Variants in CACNA1I observed in about 807,000 individuals in gnomAD.
CACNA1I encodes calcium voltage-gated channel subunit alpha1 I, also known as voltage-dependent T-type calcium channel subunit alpha-1I.
In CACNA1I, 74 loss-of-function variants were observed where a neutral mutation model predicts 201.6. The observed-to-expected ratio is 0.37, with a 90% CI of 0.30 to 0.45. The LOEUF is 0.45. Ranked by LOEUF, CACNA1I falls within the 20% of genes least tolerant of loss-of-function variation. The pLI, the probability that CACNA1I is intolerant of heterozygous loss-of-function variation, is 1.00. For missense variants in CACNA1I, 2,346 were observed against 3,138.1 expected (o/e 0.75, Z 6.03); for synonymous variants, 1,431 against 1,345.2 (o/e 1.06, Z -1.40).
chr22:39,640,909 G>A lies in CACNA1I; in HGVS notation c.783G>A (p.Glu261=). 6.2e-7 allele frequency: 1 copy of A among 1,613,844 alleles called. No homozygotes were observed. The highest frequency in any genetic ancestry group is 8.5e-7 in the Non-Finnish European group (1 of 1,179,794). The change falls in exon 6 of 37, where the codon GAG becomes GAA. Residue 261 remains glutamate, a synonymous_variant. Transcript: ENST00000402142. ...TGCCCCCATACTACCAGCCGGAGGA[G>A]GATGATGAGATGCCCTTCATCTGCT... ...VALPPYYQPE[E]DDEMPFICSL... is the part of the protein sequence containing the mutation.
intron 6 of CACNA1I, among the ~76,000 whole-genome samples, chr22:39,642,050 G>A (rs1213438570): frequency 3.3e-5 from 5 of 152,118 alleles, no homozygotes; most frequent in African/African-American, 1.2e-4. Flanking sequence ...CCCTGAGGGG[G>A]CAGCGGGAGG....
At chr22:39,654,808 C>A (rs548811135) in intron 10 of CACNA1I, among the ~76,000 whole-genome samples, 1 of 152,152 alleles carries the variant, frequency 6.6e-6, no homozygotes, top group African/African-American at 2.4e-5. Flanking sequence ...CCAAAAGGAC[C>A]CTGAGTCCTC....
Position 39,687,088 on chromosome 22 carries a change from CGG to C in CACNA1I, c.*684_*685del, listed in dbSNP as rs1186890367. 3 of 152,188 alleles carry C rather than the reference CGG, an allele frequency of 2.0e-5. No individual in the cohort carries two copies. Among genetic ancestry groups the C allele is most frequent in the African/African-American group, 7.2e-5 (3 of 41,422 alleles). The allele number at this position is 152,188 out of a possible 1,614,324, so 9.4% of individuals were successfully genotyped here. On this transcript the variant is annotated 3_prime_UTR_variant, in exon 37 of 37. Coordinates refer to ENST00000402142, the MANE Select transcript of CACNA1I (RefSeq NM_021096.4). Reference sequence around the variant, plus strand: ...GAGCACACACATCCCCTTAGTCCACCGGTTAGATGTCTCTCTTTAGAAAAATC... The same window carrying C: ...GAGCACACACATCCCCTTAGTCCACCTTAGATGTCTCTCTTTAGAAAAATC...
chr22:39,669,659 A>AGTGGATGGATGGGTGG (rs1935307430), intron 24 of CACNA1I, among the ~76,000 whole-genome samples: 1 of 114,078 alleles, frequency 8.8e-6, no homozygotes, highest in African/African-American at 3.5e-5. Context: ...TGGGTGGATG[A>AGTGGATGGATGGGTGG]GTGGATGGAT....
At chr22:39,645,932 C>T (rs1037153775) in intron 7 of CACNA1I, among the ~76,000 whole-genome samples, 1 of 152,328 alleles carries the variant, frequency 6.6e-6, no homozygotes, top group Admixed American at 6.5e-5. Flanking sequence ...CATCTGGGGT[C>T]CCAGCTGAGG....
At chr22:39,656,787 C>G in intron 10 of CACNA1I, 1 of 518,892 alleles carries the variant, frequency 1.9e-6, no homozygotes, top group Non-Finnish European at 3.8e-6. Flanking sequence ...CAAGTCATTC[C>G]CCCTCCCAGT....
chr22:39,639,566 G>C (rs1418221279), intron 5 of CACNA1I, among the ~76,000 whole-genome samples: 1 of 151,940 alleles, frequency 6.6e-6, no homozygotes, highest in Non-Finnish European at 1.5e-5. Flanking sequence ...ATTATTTTTA[G>C]TGTGCAATCA....
chr22:39,672,140 A>G (rs1457877763), intron 26 of CACNA1I, 59 bp from the exon 27 acceptor site: 2 of 1,031,958 alleles, frequency 1.9e-6, no homozygotes, highest in Non-Finnish European at 3.0e-6. Context: ...TTCTGAGTGG[A>G]GGAAGGTTGT....
intron 29 of CACNA1I, among the ~76,000 whole-genome samples, chr22:39,675,743 G>A (rs537485492): frequency 2.4e-4 from 36 of 152,162 alleles, no homozygotes; most frequent in African/African-American, 8.4e-4. Context: ...GGTGACCCAT[G>A]GACTGGGCTT....
intron 1 of CACNA1I, among the ~76,000 whole-genome samples, chr22:39,571,552 A>T (rs2145793972): frequency 6.6e-6 from 1 of 152,172 alleles, no homozygotes; most frequent in South Asian, 2.1e-4. Flanking sequence ...CAAAGTCCTA[A>T]TCCAACCCAT....
chr22:39,593,823 T>G (rs1331318800), intron 1 of CACNA1I, among the ~76,000 whole-genome samples: 1 of 152,216 alleles, frequency 6.6e-6, no homozygotes, highest in East Asian at 1.9e-4. Flanking sequence ...TTCCCTTTTG[T>G]GTCTTGGTTT....
At chr22:39,598,074 G>A (rs551965875) in intron 1 of CACNA1I, 77 bp from the exon 2 acceptor site, 33 of 778,484 alleles carry the variant, frequency 4.2e-5, no homozygotes, top group South Asian at 1.8e-4. Flanking sequence ...GGTGGGTTGC[G>A]GGTATTACAC....
chr22:39,647,977 T>G, intron 9 of CACNA1I, 51 bp downstream of exon 9: 1 of 1,495,900 alleles, frequency 6.7e-7, no homozygotes, highest in South Asian at 1.1e-5. Context: ...CAATACCACT[T>G]CTCCCAGTTG....
Position 39,646,718 on chromosome 22 carries a change from C to T in CACNA1I, c.1299C>T (p.Asp433=), listed in dbSNP as rs376947087. 155 of 1,597,460 alleles carry T rather than the reference C, an allele frequency of 9.7e-5. 1 individual carries two copies. The East Asian group carries it at 1.6e-3, about 17-fold the overall frequency. The change falls in exon 8 of 37, where the codon GAC becomes GAT. Residue 433 remains aspartate, a synonymous_variant. Coordinates refer to ENST00000402142, the MANE Select transcript of CACNA1I (RefSeq NM_021096.4). ...STVASYAEPG[D]CYEEIFQYVC... ...TGGCCAGCTACGCCGAGCCTGGCGA[C>T]TGCTACGAGGAGATCTTCCAGTATG...
At chr22:39,644,855 T>C (rs7364282) in intron 7 of CACNA1I, among the ~76,000 whole-genome samples, 11,128 of 151,696 alleles carry the variant, frequency 0.073, 1,345 homozygotes, top group African/African-American at 0.25. Flanking sequence ...GCCTGGCTAA[T>C]GTTTAAATTT....
At chr22:39,632,893 C>T (rs1039253462) in intron 4 of CACNA1I, among the ~76,000 whole-genome samples, 1 of 151,588 alleles carries the variant, frequency 6.6e-6, no homozygotes, top group Non-Finnish European at 1.5e-5. Context: ...TCACCCTGGC[C>T]TGCTCTCGGT....
At chr22:39,679,615 A>G (rs1041473187) in intron 32 of CACNA1I, 107 bp from the exon 33 acceptor site, 20 of 1,183,766 alleles carry the variant, frequency 1.7e-5, no homozygotes, top group Non-Finnish European at 2.4e-5. Context: ...GTCCCAGGCC[A>G]TGGGCGCAGA....
At chr22:39,645,416 G>T (rs916353750) in intron 7 of CACNA1I, among the ~76,000 whole-genome samples, 1 of 152,162 alleles carries the variant, frequency 6.6e-6, no homozygotes, top group South Asian at 2.1e-4. Flanking sequence ...AGGCAGGGGC[G>T]GGTAGGAGCC....
At chr22:39,619,071 T>TTG (rs1410234771) in intron 3 of CACNA1I, among the ~76,000 whole-genome samples, 3 of 152,176 alleles carry the variant, frequency 2.0e-5, no homozygotes, top group South Asian at 2.1e-4. Context: ...CCAACATCTG[T>TTG]GCTCCCTTCA....
Sources: allele counts gnomAD v4.1 joint callset (sites outside exome capture counted in the v4.1 genomes callset), GRCh38; gene constraint gnomAD v4.1.1; transcripts MANE v1.5; gene names NCBI Gene and HGNC (gene_info 2026-07-23, HGNC 2026-07-21).